Variants in F2RL3 observed in about 807,000 individuals in gnomAD.
The protein encoded by F2RL3 is F2R like thrombin or trypsin receptor 3, also known as proteinase-activated receptor 4.
In F2RL3, 3 loss-of-function variants were observed where a neutral mutation model predicts 4.9. The ratio of observed to expected loss-of-function variants is 0.61; its 90% CI spans 0.28 to 1.58. The LOEUF is 1.58. Among genes scored for constraint, F2RL3 ranks in the 40% most tolerant of loss-of-function variants. The pLI is 0.11. For synonymous variants in F2RL3, 284 were observed against 278.4 expected (o/e 1.02, Z -0.20); for missense variants, 564 against 550.4 (o/e 1.02, Z -0.25).
rs1568434652 is a variant in F2RL3, at chr19:16,889,843, T to C, written c.380T>C (p.Leu127Pro). The change falls in exon 2 of 2, where the codon CTG (leucine) becomes CCG (proline). Residue 127 changes from leucine (L) to proline (P), a missense_variant. Transcript: ENST00000248076. ...NLAAADLLLALALPPRIAYHL... is the reference protein window; with the variant it reads ...NLAAADLLLAPALPPRIAYHL... ...GCGGCTGCTGACCTCCTGCTGGCCC[T>C]GGCGCTGCCCCCGCGGATCGCCTAC... is the stretch of plus-strand genomic sequence containing the variant. 6.3e-7 allele frequency: 1 copy of C among 1,597,256 alleles called. No homozygotes were observed. The highest frequency in any genetic ancestry group is 1.1e-5 in the South Asian group (1 of 90,522).
chr19:16,890,859 C>T lies in F2RL3; in HGVS notation c.*238C>T, dbSNP rs1854796868. On this transcript the variant is annotated 3_prime_UTR_variant, in exon 2 of 2. Transcript: ENST00000248076. ...ATCCCAGCACTTTAAGAGGCCAAGGCGGATGGATCACTTGAGCCCAGGAGT... is the reference window on the plus strand; with the variant it reads ...ATCCCAGCACTTTAAGAGGCCAAGGTGGATGGATCACTTGAGCCCAGGAGT... 14 of 533,428 alleles carry T rather than the reference C, an allele frequency of 2.6e-5. No individual in the cohort carries two copies. The highest frequency in any genetic ancestry group is 6.6e-5 in the East Asian group (2 of 30,106). The allele number at this position is 533,428 out of a possible 1,614,324, so 33.0% of individuals were successfully genotyped here.
In F2RL3 at chr19:16,889,569, C is replaced by T; in HGVS notation, c.110-4C>T. 6.4e-7 allele frequency: 1 copy of T among 1,562,516 alleles called. No homozygotes were observed. The highest frequency in any genetic ancestry group is 8.7e-7 in the Non-Finnish European group (1 of 1,154,156). On this transcript the variant is annotated splice_polypyrimidine_tract_variant and splice_region_variant and intron_variant, in intron 1 of 1. Coordinates refer to ENST00000248076, the MANE Select transcript of F2RL3 (RefSeq NM_003950.4). ...GGCTGACTGAGGTCCCCTCTCTCTCCCAGACAGCACGCCCTCAATCCTGCC... is the reference window on the plus strand; with the variant it reads ...GGCTGACTGAGGTCCCCTCTCTCTCTCAGACAGCACGCCCTCAATCCTGCC...
At chr19:16,889,423 C>T in intron 1 of F2RL3, 125 bp downstream of exon 1, 1 of 1,166,134 alleles carries the variant, frequency 8.6e-7, no homozygotes, top group Non-Finnish European at 1.2e-6. Context: ...TGTATCCCGT[C>T]TCTGACCCCA....
chr19:16,889,525 C>T (rs755209569), intron 1 of F2RL3, 48 bp from the exon 2 acceptor site: 28 of 1,504,970 alleles, frequency 1.9e-5, no homozygotes, highest in African/African-American at 8.3e-5. Flanking sequence ...TGCTGCTTCT[C>T]GTCACCTGCC....
Position 16,889,976 on chromosome 19 carries a change from C to A in F2RL3, c.513C>A (p.Ser171Arg). ...CAGTGCTGCTGCTGGCCGCCGTCAG[C>A]CTGGATCGCTACCTGGCCCTGGTGC... ...YGSVLLLAAV[S>R]LDRYLALVHP... Residue 171 changes from serine to arginine, a missense_variant, in exon 2 of 2, where the codon AGC (serine) becomes AGA (arginine). Physicochemically the swap from Ser to Arg is moderately radical, Grantham distance 110. Coordinates refer to ENST00000248076, the MANE Select transcript of F2RL3 (RefSeq NM_003950.4). 1 of 1,597,356 alleles carries A rather than the reference C, an allele frequency of 6.3e-7. No individual in the cohort carries two copies.
rs368619699 is a variant in F2RL3, at chr19:16,890,317, C to T, written c.854C>T (p.Thr285Ile). The change falls in exon 2 of 2, where the codon ACC (threonine) becomes ATC (isoleucine). Residue 285 changes from threonine to isoleucine, a missense_variant. Physicochemically the swap from Thr to Ile is moderately conservative, Grantham distance 89. Coordinates refer to ENST00000248076, the MANE Select transcript of F2RL3 (RefSeq NM_003950.4). ...GRRYGHALRL[T>I]AVVLASAVAF... is the part of the protein sequence containing the mutation. ...CGCTACGGCCACGCGCTGAGGCTGA[C>T]CGCAGTGGTGCTGGCCTCCGCCGTG... 1 of 1,582,556 alleles carries T rather than the reference C, an allele frequency of 6.3e-7. No homozygotes were observed. Among genetic ancestry groups the T allele is most frequent in the Non-Finnish European group, 8.5e-7 (1 of 1,169,850 alleles).
In F2RL3 at chr19:16,889,883, G is replaced by A. The variant is rs1297519521; in HGVS notation, c.420G>A (p.Gln140=). The A allele has an allele frequency of 6.3e-7, 1 of 1,588,674 alleles. No individual in the cohort carries two copies. Residue 140 remains glutamine (Q), a synonymous_variant, in exon 2 of 2, where the codon CAG becomes CAA. Transcript: ENST00000248076. ...GGATCGCCTACCACCTGCGTGGCCA[G>A]CGCTGGCCCTTCGGGGAGGCCGCCT... The part of the protein sequence containing the change: ...PPRIAYHLRG[Q]RWPFGEAACR...
Position 16,890,126 on chromosome 19 carries a change from G to A in F2RL3, c.663G>A (p.Ala221=), listed in dbSNP as rs780011923. 1.3e-5 allele frequency: 20 copies of A among 1,596,766 alleles called. No homozygotes were observed. Among genetic ancestry groups the A allele is most frequent in the East Asian group, 6.7e-5 (3 of 44,800 alleles). ...LTLQRQTFRL[A]RSDRVLCHDA... The stretch of plus-strand genomic sequence containing the variant: ...TGCAGCGGCAGACCTTCCGGCTGGC[G>A]CGCTCCGATCGCGTGCTCTGCCATG... Residue 221 remains alanine, a synonymous_variant, in exon 2 of 2, where the codon GCG becomes GCA. Transcript: ENST00000248076.
rs889752822 is a variant in F2RL3 at position 16,890,820 on chromosome 19, G to A, written c.*199G>A. 1.9e-5 allele frequency: 11 copies of A among 591,954 alleles called. No homozygotes were observed. The highest frequency in any genetic ancestry group is 3.2e-5 in the Admixed American group (1 of 31,572). The allele number at this position is 591,954 out of a possible 1,614,324, so 36.7% of individuals were successfully genotyped here. A position where few individuals can be genotyped will look rare whatever the true frequency, so the allele number is the denominator to read the frequency against. ...AAGATAAGGAGAGGCCAGGCCTGGT[G>A]GCTCACGCCTGTAATCCCAGCACTT... is the stretch of plus-strand genomic sequence containing the variant. On this transcript the variant is annotated 3_prime_UTR_variant, in exon 2 of 2. Coordinates refer to ENST00000248076, the MANE Select transcript of F2RL3 (RefSeq NM_003950.4).
In F2RL3 at chr19:16,892,038, C is replaced by G. The variant is rs568654483; in HGVS notation, c.*1417C>G. The G allele has an allele frequency of 6.6e-6, 1 of 152,414 alleles. No homozygotes were observed. The highest frequency in any genetic ancestry group is 6.5e-5 in the Admixed American group (1 of 15,304). The allele number at this position is 152,414 out of a possible 1,614,324, so 9.4% of individuals were successfully genotyped here. ...GTTTTAAGCTGCCTGGCATGTGGCA[C>G]TTTGTCAGGGCAGCCCAGGAATCTG... On this transcript the variant is annotated 3_prime_UTR_variant, in exon 2 of 2. Transcript: ENST00000248076.
chr19:16,889,176 G>A lies in F2RL3; in HGVS notation c.-14G>A. On this transcript the variant is annotated 5_prime_UTR_variant, in exon 1 of 2. Coordinates refer to ENST00000248076, the MANE Select transcript of F2RL3 (RefSeq NM_003950.4). ...AAGCCTGAGGCCACAGCCCAGAGCA[G>A]CCTGAGTGCAGTCATGTGGGGGCGA... The A allele has an allele frequency of 6.5e-7, 1 of 1,541,636 alleles. No individual in the cohort carries two copies. Among genetic ancestry groups the A allele is most frequent in the Non-Finnish European group, 8.8e-7 (1 of 1,142,832 alleles).
At position 16,890,119 on chromosome 19, in the gene F2RL3, G is replaced by A. The variant is rs148865185; in HGVS notation, c.656G>A (p.Arg219Gln). The change falls in exon 2 of 2, where the codon CGG (arginine) becomes CAG (glutamine). Residue 219 changes from arginine (R) to glutamine (Q), a missense_variant. By Grantham distance (43) the Arg-to-Gln change is conservative. Transcript: ENST00000248076. ...CTGACACTGCAGCGGCAGACCTTCC[G>A]GCTGGCGCGCTCCGATCGCGTGCTC... is the stretch of plus-strand genomic sequence containing the variant. The part of the protein sequence containing the change: ...LPLTLQRQTF[R>Q]LARSDRVLCH... The A allele has an allele frequency of 4.5e-4, 716 of 1,597,094 alleles. 1 individual carries two copies. Among genetic ancestry groups the A allele is most frequent in the South Asian group, 6.5e-4 (59 of 90,786 alleles).
In F2RL3 at chr19:16,890,133, G is replaced by C; in HGVS notation, c.670G>C (p.Asp224His). Residue 224 changes from aspartate to histidine, a missense_variant, in exon 2 of 2, where the codon GAT becomes CAT. Physicochemically the swap from Asp to His is moderately conservative, Grantham distance 81. Coordinates refer to ENST00000248076, the MANE Select transcript of F2RL3 (RefSeq NM_003950.4). The stretch of plus-strand genomic sequence containing the variant: ...GCAGACCTTCCGGCTGGCGCGCTCC[G>C]ATCGCGTGCTCTGCCATGACGCGCT... ...QRQTFRLARS[D>H]RVLCHDALPL... 1 of 1,596,388 alleles carries C rather than the reference G, an allele frequency of 6.3e-7. No homozygotes were observed. Among genetic ancestry groups the C allele is most frequent in the South Asian group, 1.1e-5 (1 of 90,634 alleles).
In F2RL3 at chr19:16,890,479, TCTA is replaced by T; in HGVS notation, c.1024_1026del (p.Tyr342del). ...CTCAACAGCTGCGTGGATCCCTTCA[TCTA>T]CTACTACGTGTCGGCCGAGTTCAGG... On this transcript the variant is annotated inframe_deletion, in exon 2 of 2. Coordinates refer to ENST00000248076, the MANE Select transcript of F2RL3 (RefSeq NM_003950.4). 6.2e-7 allele frequency: 1 copy of T among 1,612,898 alleles called. No homozygotes were observed.
In F2RL3 at chr19:16,890,423, TGCCTACGTGCCCA is replaced by T; in HGVS notation, c.965_977del (p.Tyr322TrpfsTer3). ...CCAGCGCCTGGGGCAACCTCTATGG[TGCCTACGTGCCCA>T]GCCTGGCGCTGAGCACCCTCAACAG... On this transcript the variant is annotated frameshift_variant, in exon 2 of 2. Coordinates refer to ENST00000248076, the MANE Select transcript of F2RL3 (RefSeq NM_003950.4). LOFTEE classifies it low-confidence loss of function (END_TRUNC). 6.2e-7 allele frequency: 1 copy of T among 1,612,224 alleles called. No individual in the cohort carries two copies. The highest frequency in any genetic ancestry group is 8.5e-7 in the Non-Finnish European group (1 of 1,179,732).
At position 16,889,609 on chromosome 19, in the gene F2RL3, A is replaced by G. The variant is rs1409804502; in HGVS notation, c.146A>G (p.Tyr49Cys). The change falls in exon 2 of 2, where the codon TAC becomes TGC. Residue 49 changes from tyrosine to cysteine, a missense_variant. Physicochemically the swap from Tyr to Cys is radical, Grantham distance 194 (BLOSUM62 -2). Coordinates refer to ENST00000248076, the MANE Select transcript of F2RL3 (RefSeq NM_003950.4). ...TPSILPAPRG[Y>C]PGQVCANDSD... is the part of the protein sequence containing the mutation. ...TCAATCCTGCCTGCCCCCCGCGGCT[A>G]CCCAGGCCAAGTCTGTGCCAATGAC... The G allele has an allele frequency of 1.9e-6, 3 of 1,594,930 alleles. No homozygotes were observed. The highest frequency in any genetic ancestry group is 2.6e-6 in the Non-Finnish European group (3 of 1,168,906).
rs139232968 is a variant in F2RL3 at position 16,890,466 on chromosome 19, G to A, written c.1003G>A (p.Val335Met). Residue 335 changes from valine to methionine, a missense_variant, in exon 2 of 2, where the codon GTG (valine) becomes ATG (methionine). Coordinates refer to ENST00000248076, the MANE Select transcript of F2RL3 (RefSeq NM_003950.4). ...GGCGCTGAGCACCCTCAACAGCTGC[G>A]TGGATCCCTTCATCTACTACTACGT... is the stretch of plus-strand genomic sequence containing the variant. Reference protein sequence around the residue: ...SLALSTLNSCVDPFIYYYVSA... With the variant: ...SLALSTLNSCMDPFIYYYVSA... The A allele has an allele frequency of 9.9e-6, 16 of 1,612,902 alleles. No individual in the cohort carries two copies. Among genetic ancestry groups the A allele is most frequent in the Middle Eastern group, 1.6e-4 (1 of 6,062 alleles).
chr19:16,889,853 C>T lies in F2RL3; in HGVS notation c.390C>T (p.Pro130=). ...AADLLLALAL[P]PRIAYHLRGQ... is the part of the protein sequence containing the mutation. ...ACCTCCTGCTGGCCCTGGCGCTGCC[C>T]CCGCGGATCGCCTACCACCTGCGTG... is the stretch of plus-strand genomic sequence containing the variant. Residue 130 remains proline (P), a synonymous_variant, in exon 2 of 2, where the codon CCC becomes CCT. Coordinates refer to ENST00000248076, the MANE Select transcript of F2RL3 (RefSeq NM_003950.4). 6.3e-7 allele frequency: 1 copy of T among 1,595,728 alleles called. No individual in the cohort carries two copies. The highest frequency in any genetic ancestry group is 1.1e-5 in the South Asian group (1 of 90,328).
chr19:16,890,304 G>A lies in F2RL3; in HGVS notation c.841G>A (p.Ala281Thr), dbSNP rs374601126. The stretch of plus-strand genomic sequence containing the variant: ...GGCCAGCGGCCGGCGCTACGGCCAC[G>A]CGCTGAGGCTGACCGCAGTGGTGCT... ...LAASGRRYGH[A>T]LRLTAVVLAS... Residue 281 changes from alanine to threonine, a missense_variant, in exon 2 of 2, where the codon GCG (alanine) becomes ACG (threonine). Transcript: ENST00000248076. 41 of 1,570,256 alleles carry A rather than the reference G, an allele frequency of 2.6e-5. No homozygotes were observed. Among genetic ancestry groups the A allele is most frequent in the South Asian group, 1.9e-4 (17 of 87,758 alleles).
Sources: gnomAD v4.1 joint callset for allele counts on GRCh38, gnomAD v4.1.1 for gene constraint, MANE v1.5 for transcripts, NCBI Gene and HGNC (gene_info 2026-07-23, HGNC 2026-07-21) for gene names.